ARHGEF10L: variants seen among roughly 807,000 people sequenced by gnomAD.
The protein encoded by ARHGEF10L is rho guanine nucleotide exchange factor 10-like protein.
ARHGEF10L carries 69 observed loss-of-function variants against 141.2 expected under a neutral mutation model. The observed-to-expected ratio is 0.49, with a 90% CI of 0.40 to 0.60. The LOEUF is 0.60. Ranked by LOEUF, ARHGEF10L falls within the 20% of genes least tolerant of loss-of-function variation. The pLI is 0.00. For synonymous variants in ARHGEF10L, 711 were observed against 718.5 expected, an observed-to-expected ratio of 0.99 and a Z score of 0.17; for missense variants, 1,482 against 1,734.3, an observed-to-expected ratio of 0.85 and a Z score of 2.58.
Position 17,573,925 on chromosome 1 carries a change from G to A in ARHGEF10L, c.-43-6628G>A, listed in dbSNP as rs939011553. On this transcript the variant is annotated intron_variant, in intron 1 of 28. Transcript: ENST00000361221. This position sits in a 1 kb window ranked among gnomAD's most constrained non-coding sequence, Gnocchi z 4.8. ...GACCAAACTTGGCCCCTGCCCCAGT[G>A]AGGCAGGCCCCCTTCTCAGAGCTCC... is the stretch of plus-strand genomic sequence containing the variant. Among the ~76,000 whole-genome samples, 1 of 152,176 alleles carries A rather than the reference G, an allele frequency of 6.6e-6. No homozygotes were observed. The highest frequency in any genetic ancestry group is 1.5e-5 in the Non-Finnish European group (1 of 68,022).
At chr1:17,572,986 C>G (rs2078067504) in intron 1 of ARHGEF10L, among the ~76,000 whole-genome samples, 1 of 152,178 alleles carries the variant, frequency 6.6e-6, no homozygotes, top group Admixed American at 6.5e-5. Context: ...GTAGACACCC[C>G]TGTGTGTGCC....
At chr1:17,536,881 T>A (rs945707893), upstream of ARHGEF10L, among the ~76,000 whole-genome samples, 2 of 152,026 alleles carry the variant, frequency 1.3e-5, no homozygotes, top group Non-Finnish European at 2.9e-5. Context: ...TTTTAATTTT[T>A]TTTTTTCAGA....
At chr1:17,601,995 C>T in intron 4 of ARHGEF10L, 132 bp from the exon 5 acceptor site, 1 of 752,566 alleles carries the variant, frequency 1.3e-6, no homozygotes. Flanking sequence ...GCCAACTCCA[C>T]CTCAGGTCTC....
intron 26 of ARHGEF10L, among the ~76,000 whole-genome samples, chr1:17,670,871 C>A (rs981574124): frequency 4.6e-5 from 7 of 152,244 alleles, no homozygotes; most frequent in African/African-American, 1.7e-4. Context: ...GTTCCCTCTG[C>A]CTGGAGCACT....
chr1:17,640,495 T>C (rs2061269141), intron 21 of ARHGEF10L, among the ~76,000 whole-genome samples, 193 bp downstream of exon 21: 1 of 152,054 alleles, frequency 6.6e-6, no homozygotes, highest in South Asian at 2.1e-4. Flanking sequence ...CCTGGACAAG[T>C]CACTTCCCCT....
intron 1 of ARHGEF10L, among the ~76,000 whole-genome samples, chr1:17,571,115 C>T (rs373746177): frequency 1.3e-5 from 2 of 152,042 alleles, no homozygotes; most frequent in South Asian, 2.1e-4. Flanking sequence ...TTAGGACCCA[C>T]GAAGTGAGCC....
At chr1:17,662,359 C>T (rs1356527781) in intron 25 of ARHGEF10L, among the ~76,000 whole-genome samples, 5 of 152,192 alleles carry the variant, frequency 3.3e-5, no homozygotes, top group African/African-American at 1.2e-4. Context: ...CGGAGAAGGG[C>T]AGGCGTGGTT....
At chr1:17,660,999 G>C (rs2062589024) in intron 25 of ARHGEF10L, among the ~76,000 whole-genome samples, 1 of 152,172 alleles carries the variant, frequency 6.6e-6, no homozygotes, top group Non-Finnish European at 1.5e-5. Context: ...TCATGGTGCA[G>C]ATAGGAAAAC....
chr1:17,580,077 G>GC (rs2078420238), intron 1 of ARHGEF10L, among the ~76,000 whole-genome samples: 1 of 152,248 alleles, frequency 6.6e-6, no homozygotes, highest in Non-Finnish European at 1.5e-5. Context: ...AGTCAGAGTG[G>GC]CCTTCAGCAG....
intron 20 of ARHGEF10L, 133 bp downstream of exon 20, chr1:17,638,822 G>A (rs575704653): frequency 2.2e-5 from 29 of 1,329,688 alleles, no homozygotes; most frequent in East Asian, 9.9e-5. Flanking sequence ...TGTAGGCATC[G>A]TGGGCCATGT....
Position 17,634,534 on chromosome 1 carries a change from G to T in ARHGEF10L, c.1731-14G>T. 1 of 1,614,084 alleles carries T rather than the reference G, an allele frequency of 6.2e-7. No individual in the cohort carries two copies. The highest frequency in any genetic ancestry group is 8.5e-7 in the Non-Finnish European group (1 of 1,179,984). ...TAATAACAATCTCCCTTTCCTTCTTGTCTTTTTTCCCAGGCCTGCCAACCA... is the reference window on the plus strand; with the variant it reads ...TAATAACAATCTCCCTTTCCTTCTTTTCTTTTTTCCCAGGCCTGCCAACCA... On this transcript the variant is annotated splice_polypyrimidine_tract_variant and intron_variant, in intron 16 of 28. Transcript: ENST00000361221.
chr1:17,656,851 C>A lies in ARHGEF10L; in HGVS notation c.2860+143C>A. 9.1e-7 allele frequency: 1 copy of A among 1,093,906 alleles called. No individual in the cohort carries two copies. Among genetic ancestry groups the A allele is most frequent in the Non-Finnish European group, 1.3e-6 (1 of 788,268 alleles). 67.8% of individuals were successfully genotyped at this position (1,093,906 alleles called of 1,614,324 possible). On this transcript the variant is annotated intron_variant, in intron 25 of 28. Transcript: ENST00000361221. The surrounding 1 kb of genome is among the most constrained non-coding windows in gnomAD (Gnocchi z 4.9). ...CTGAGGGCATTTGGAGATCCGTGAG[C>A]CCCGCTGGGGTTCAATGGGTGGTCC...
chr1:17,571,131 A>T (rs1045685719), intron 1 of ARHGEF10L, among the ~76,000 whole-genome samples: 4 of 152,098 alleles, frequency 2.6e-5, no homozygotes, highest in African/African-American at 7.2e-5. Context: ...GAGCCAGGTG[A>T]CCCAGGTGGC....
At chr1:17,680,434 G>A (rs2064031762) in intron 26 of ARHGEF10L, among the ~76,000 whole-genome samples, 1 of 152,242 alleles carries the variant, frequency 6.6e-6, no homozygotes, top group African/African-American at 2.4e-5. Flanking sequence ...TGGAGGTTGG[G>A]CTGTGTCAGC....
At chr1:17,672,855 G>A (rs1456832948) in intron 26 of ARHGEF10L, among the ~76,000 whole-genome samples, 1 of 152,034 alleles carries the variant, frequency 6.6e-6, no homozygotes, top group Non-Finnish European at 1.5e-5. Context: ...TCAGAAATAA[G>A]TTGGCTGGTT....
rs78752816 is a variant in ARHGEF10L, at chr1:17,697,182, C to T, written c.3642C>T (p.Ala1214=). The T allele has an allele frequency of 2.8e-4, 447 of 1,611,958 alleles. 7 individuals carry two copies. Among genetic ancestry groups the T allele is most frequent in the African/African-American group, 2.7e-3 (204 of 75,044 alleles). The change falls in exon 29 of 29, where the codon GCC becomes GCT. Residue 1214 remains alanine (A), a synonymous_variant. Transcript: ENST00000361221. This position sits in a 1 kb window ranked among gnomAD's most constrained non-coding sequence, Gnocchi z 4.8. Reference sequence around the variant, plus strand: ...AGGACGGCTCCATTTACGAGATGGCCGACGACCCCGACATCTGGGTGCGCA... The same window carrying T: ...AGGACGGCTCCATTTACGAGATGGCTGACGACCCCGACATCTGGGTGCGCA... ...SEEDGSIYEM[A]DDPDIWVRSR... is the part of the protein sequence containing the mutation.
chr1:17,584,730 C>T (rs139857036), intron 2 of ARHGEF10L, among the ~76,000 whole-genome samples: 5 of 152,254 alleles, frequency 3.3e-5, no homozygotes, highest in East Asian at 3.9e-4. Context: ...CCTGGGGCTG[C>T]GGGTGCAAAG....
chr1:17,547,884 G>A (rs1177672875), intron 1 of ARHGEF10L, among the ~76,000 whole-genome samples: 1 of 152,152 alleles, frequency 6.6e-6, no homozygotes, highest in African/African-American at 2.4e-5. Context: ...TATCTATTTA[G>A]GGCCCACAAA....
At chr1:17,640,133 C>A in intron 20 of ARHGEF10L, 69 bp from the exon 21 acceptor site, 2 of 1,546,896 alleles carry the variant, frequency 1.3e-6, no homozygotes, top group Non-Finnish European at 1.8e-6. Context: ...GGAAGTACTA[C>A]GTGACAGCTG....
Sources: gnomAD v4.1 joint callset for allele counts (sites outside exome capture counted in the v4.1 genomes callset) on GRCh38, gnomAD v4.1.1 for gene constraint, Gnocchi (gnomAD v3.1) non-coding constraint, MANE v1.5 for transcripts, NCBI Gene and HGNC (gene_info 2026-07-23, HGNC 2026-07-21) for gene names.